Variants in NEGR1 observed in about 807,000 individuals in gnomAD.
The protein encoded by NEGR1 is neuronal growth regulator 1.
In NEGR1, 10 loss-of-function variants were observed where a neutral mutation model predicts 40.9. The ratio of observed to expected loss-of-function variants is 0.24; its 90% CI spans 0.15 to 0.42. The LOEUF (loss-of-function observed/expected upper bound fraction) is 0.42. Ranked by LOEUF, NEGR1 falls within the 10% of genes least tolerant of loss-of-function variation. The pLI, the probability that NEGR1 is intolerant of heterozygous loss-of-function variation, is 1.00. For missense variants in NEGR1, 352 were observed against 438.9 expected (o/e 0.80, Z 1.77); for synonymous variants, 185 against 166.8 (o/e 1.11, Z -0.84).
At chr1:72,144,445 ACAAACTACATATAT>A in intron 1 of NEGR1, among the ~76,000 whole-genome samples, 1 of 93,010 alleles carries the variant, frequency 1.1e-5, no homozygotes, top group Non-Finnish European at 2.9e-5. Context: ...AAAACAGATA[ACAAACTACATATAT>A]GCACATAAAC....
At position 72,064,161 on chromosome 1, in the gene NEGR1, A is replaced by T. The variant is rs777985031; in HGVS notation, c.177-128850T>A. 6.6e-5 allele frequency among the ~76,000 whole-genome samples: 10 copies of T among 152,098 alleles called. No individual in the cohort carries two copies. The East Asian group carries it at 9.7e-4, about 15-fold the overall frequency. On this transcript the variant is annotated intron_variant, in intron 1 of 6. Coordinates refer to ENST00000357731, the MANE Select transcript of NEGR1 (RefSeq NM_173808.3). The stretch of plus-strand genomic sequence containing the variant: ...CTTTTAAGTCGGATGCAGAGAAGTG[A>T]TGGGTAATTAGGTCTGTGTCATTTA...
intron 1 of NEGR1, among the ~76,000 whole-genome samples, chr1:72,161,676 CTTTT>C (rs779074685): frequency 2.4e-5 from 2 of 84,562 alleles, no homozygotes; most frequent in Non-Finnish European, 4.4e-5. Flanking sequence ...TTCTTTCTTT[CTTTT>C]TTTTTTTTTT....
At chr1:71,874,709 T>A (rs1213934882) in intron 2 of NEGR1, among the ~76,000 whole-genome samples, 4 of 152,224 alleles carry the variant, frequency 2.6e-5, no homozygotes, top group Non-Finnish European at 5.9e-5. Flanking sequence ...TCCTTAGATG[T>A]TCAAGTATCT....
At chr1:72,149,646 G>T (rs1480031313) in intron 1 of NEGR1, among the ~76,000 whole-genome samples, 2 of 151,896 alleles carry the variant, frequency 1.3e-5, no homozygotes, top group Non-Finnish European at 2.9e-5. Flanking sequence ...ACTTTGGGAG[G>T]CTGAGGTGGG....
intron 2 of NEGR1, among the ~76,000 whole-genome samples, chr1:71,831,294 G>C (rs1658831437): frequency 6.6e-6 from 1 of 151,952 alleles, no homozygotes; most frequent in South Asian, 2.1e-4. Flanking sequence ...ATACAATGTG[G>C]TTTCTGCCCC....
intron 6 of NEGR1, among the ~76,000 whole-genome samples, chr1:71,487,570 T>C (rs528855724): frequency 2.6e-5 from 4 of 151,890 alleles, no homozygotes; most frequent in African/African-American, 9.6e-5. Flanking sequence ...TCTCCATTTT[T>C]GTATCATTAG....
chr1:71,428,377 T>C (rs2101289785), intron 6 of NEGR1, among the ~76,000 whole-genome samples: 1 of 152,280 alleles, frequency 6.6e-6, no homozygotes, highest in South Asian at 2.1e-4. Flanking sequence ...TTCAAATCAA[T>C]GTTTCACACA....
intron 1 of NEGR1, among the ~76,000 whole-genome samples, chr1:71,940,157 C>A (rs1371872887): frequency 1.3e-5 from 2 of 152,118 alleles, no homozygotes; most frequent in East Asian, 3.9e-4. Flanking sequence ...GATCTTTTTT[C>A]TTTGGACTTC....
chr1:71,602,310 G>C (rs1176247861), intron 5 of NEGR1, among the ~76,000 whole-genome samples: 3 of 33,522 alleles, frequency 8.9e-5, no homozygotes, highest in Non-Finnish European at 1.3e-4. Flanking sequence ...TGCAGTGGCG[G>C]GATCTCGGCT....
At chr1:72,211,940 G>C (rs1570127169) in intron 1 of NEGR1, among the ~76,000 whole-genome samples, 1 of 151,726 alleles carries the variant, frequency 6.6e-6, no homozygotes, top group Non-Finnish European at 1.5e-5. Flanking sequence ...AGACTCATCT[G>C]CAATGCAAAG....
intron 1 of NEGR1, among the ~76,000 whole-genome samples, chr1:72,249,172 C>T (rs150544110): frequency 2.3e-3 from 343 of 147,640 alleles, no homozygotes; most frequent in Non-Finnish European, 4.3e-3. Flanking sequence ...ATGAGAAACC[C>T]TTTGTCCCTT....
intron 1 of NEGR1, among the ~76,000 whole-genome samples, chr1:71,956,654 A>G (rs1344512925): frequency 2.6e-5 from 4 of 152,142 alleles, no homozygotes; most frequent in African/African-American, 9.6e-5. Flanking sequence ...CTGTCAATAC[A>G]TATCAGTCAT....
intron 4 of NEGR1, among the ~76,000 whole-genome samples, chr1:71,686,139 A>G (rs544387386): frequency 1.3e-5 from 2 of 152,276 alleles, no homozygotes; most frequent in East Asian, 1.9e-4. Context: ...TACTCTTCTC[A>G]GGAAGCTTTT....
At chr1:72,001,923 T>C (rs932266001) in intron 1 of NEGR1, among the ~76,000 whole-genome samples, 10 of 152,078 alleles carry the variant, frequency 6.6e-5, no homozygotes, top group African/African-American at 2.4e-4. Context: ...TATTTTTTCC[T>C]GTCTCCCTGC....
intron 6 of NEGR1, among the ~76,000 whole-genome samples, chr1:71,413,951 T>G (rs901099889): frequency 6.6e-6 from 1 of 152,184 alleles, no homozygotes; most frequent in Non-Finnish European, 1.5e-5. Flanking sequence ...TTTGGTACAA[T>G]ACCAATTACT....
chr1:71,427,548 A>C (rs752395650), intron 6 of NEGR1, among the ~76,000 whole-genome samples: 14 of 152,194 alleles, frequency 9.2e-5, no homozygotes, highest in Non-Finnish European at 1.8e-4. Flanking sequence ...GTAATAAATC[A>C]AGTTAAAAGA....
At chr1:71,499,021 GAC>G (rs1180082404) in intron 6 of NEGR1, among the ~76,000 whole-genome samples, 1 of 152,140 alleles carries the variant, frequency 6.6e-6, no homozygotes, top group African/African-American at 2.4e-5. Context: ...GAGGCAGCAA[GAC>G]ACATACAAAT....
rs376766192 is a variant in NEGR1, at chr1:71,896,388, T to C, written c.409+38691A>G. 1.1e-4 allele frequency among the ~76,000 whole-genome samples: 17 copies of C among 152,312 alleles called. 1 individual carries two copies. The South Asian group carries it at 3.5e-3, about 32-fold the overall frequency. ...TTCAAATTATTTGACCACTTTCTAA[T>C]TGAGTTATTCATCATTTTATTGTTG... On this transcript the variant is annotated intron_variant, in intron 2 of 6. Transcript: ENST00000357731.
chr1:72,223,180 G>A (rs991847554), intron 1 of NEGR1, among the ~76,000 whole-genome samples: 8 of 152,102 alleles, frequency 5.3e-5, no homozygotes, highest in African/African-American at 1.9e-4. Context: ...AGAAAACATG[G>A]AGCAAAACAC....
Sources: gnomAD v4.1 joint callset for allele counts (sites outside exome capture counted in the v4.1 genomes callset) on GRCh38, gnomAD v4.1.1 for gene constraint, MANE v1.5 for transcripts, NCBI Gene and HGNC (gene_info 2026-07-23, HGNC 2026-07-21) for gene names.